FRK: variants seen among roughly 807,000 people sequenced by gnomAD.
The protein encoded by FRK is fyn related Src family tyrosine kinase.
A neutral mutation model predicts 56.4 loss-of-function variants in FRK; 51 were observed. That is an observed-to-expected ratio of 0.90 (90% confidence interval 0.72 to 1.14). The LOEUF (loss-of-function observed/expected upper bound fraction) is 1.14, where lower values mean the gene tolerates loss of function less well. FRK is among the 50% of genes most tolerant of loss of function. The pLI, the probability that FRK is intolerant of heterozygous loss-of-function variation, is 0.00. For missense variants in FRK, 570 were observed against 601.4 expected (o/e 0.95, Z 0.55); for synonymous variants, 245 against 217.9 (o/e 1.12, Z -1.10).
At chr6:116,029,150 G>C (rs1307526055) in intron 1 of FRK, among the ~76,000 whole-genome samples, 1 of 152,016 alleles carries the variant, frequency 6.6e-6, no homozygotes, top group Non-Finnish European at 1.5e-5. Context: ...CACCACCTCT[G>C]TGAGATCTTC....
Position 115,942,576 on chromosome 6 carries a change from A to G in FRK, c.1356T>C (p.Leu452=). 1 of 1,613,816 alleles carries G rather than the reference A, an allele frequency of 6.2e-7. No individual in the cohort carries two copies. The highest frequency in any genetic ancestry group is 1.1e-5 in the South Asian group (1 of 91,074). Residue 452 remains leucine (L), a synonymous_variant, in exon 8 of 8, where the codon CTT becomes CTC. Transcript: ENST00000606080. ...VIQMLAQNYR[L]PQPSNCPQQF... ...GCTGTGGACAGTTGGATGGTTGCGG[A>G]AGTCTATAGTTTTGAGCCAACATCT...
chr6:115,942,341 A>G lies in FRK; in HGVS notation c.*73T>C, dbSNP rs2114505809. 1.6e-6 allele frequency: 2 copies of G among 1,245,984 alleles called. No individual in the cohort carries two copies. Among genetic ancestry groups the G allele is most frequent in the Non-Finnish European group, 2.3e-6 (2 of 860,086 alleles). 77.2% of individuals were successfully genotyped at this position (1,245,984 alleles called of 1,614,324 possible). On this transcript the variant is annotated 3_prime_UTR_variant, in exon 8 of 8. Transcript: ENST00000606080. Reference sequence around the variant, plus strand: ...GATAAACTGATTGTGCAGTTGGTTGATAACATTGTATTTTGGAATGGATTA... The same window carrying G: ...GATAAACTGATTGTGCAGTTGGTTGGTAACATTGTATTTTGGAATGGATTA...
chr6:116,079,744 T>G, the FRK span, among the ~76,000 whole-genome samples: 1 of 152,082 alleles, frequency 6.6e-6, no homozygotes, highest in Non-Finnish European at 1.5e-5. Flanking sequence ...CACATGCTAA[T>G]TTTTTAATTT....
intron 2 of FRK, among the ~76,000 whole-genome samples, chr6:115,975,881 G>A (rs1773974282): frequency 6.6e-6 from 1 of 152,114 alleles, no homozygotes; most frequent in Non-Finnish European, 1.5e-5. Context: ...ACATATTGTG[G>A]AGACGTGGGT....
intron 1 of FRK, among the ~76,000 whole-genome samples, chr6:116,011,455 C>A (rs1387864924): frequency 6.6e-6 from 1 of 151,736 alleles, no homozygotes; most frequent in African/African-American, 2.4e-5. Flanking sequence ...AAAATAAACT[C>A]TTAAGACTAG....
the FRK span, among the ~76,000 whole-genome samples, chr6:116,083,390 T>C: frequency 3.5e-3 from 532 of 152,196 alleles, 1 homozygote; most frequent in African/African-American, 0.012. Flanking sequence ...TGTTTTAAGA[T>C]GAGAAAATTA....
At chr6:116,020,482 G>C (rs955173160) in intron 1 of FRK, among the ~76,000 whole-genome samples, 16 of 151,874 alleles carry the variant, frequency 1.1e-4, no homozygotes, top group Admixed American at 2.6e-4. Flanking sequence ...GTAGAGATGG[G>C]GTTTCACCAT....
chr6:115,992,093 T>G (rs924388513), intron 2 of FRK, among the ~76,000 whole-genome samples: 1 of 151,782 alleles, frequency 6.6e-6, no homozygotes, highest in African/African-American at 2.4e-5. Flanking sequence ...ACCTAGCTAA[T>G]AGTCTATTTT....
In FRK at chr6:115,933,430, A is replaced by C. The variant is rs886683903; in HGVS notation, c.*8984T>G. On this transcript the variant is annotated 3_prime_UTR_variant, in exon 8 of 8. Transcript: ENST00000606080. Reference sequence around the variant, plus strand: ...AAAAAAATCTATTACTGTTTCTCATAACTGAATCCATTATTTTTCTCCATG... The same window carrying C: ...AAAAAAATCTATTACTGTTTCTCATCACTGAATCCATTATTTTTCTCCATG... 4 of 152,214 alleles carry C rather than the reference A, an allele frequency of 2.6e-5. No homozygotes were observed. Among genetic ancestry groups the C allele is most frequent in the African/African-American group, 9.6e-5 (4 of 41,454 alleles). 9.4% of individuals were successfully genotyped at this position (152,214 alleles called of 1,614,324 possible).
At chr6:116,038,050 G>A (rs557512654) in intron 1 of FRK, among the ~76,000 whole-genome samples, 24 of 152,254 alleles carry the variant, frequency 1.6e-4, no homozygotes, top group East Asian at 5.8e-4. Flanking sequence ...GAAAAGCAAC[G>A]GGATAAACAA....
At chr6:115,966,289 A>T (rs1296276844) in intron 4 of FRK, among the ~76,000 whole-genome samples, 3 of 152,118 alleles carry the variant, frequency 2.0e-5, no homozygotes, top group Admixed American at 2.0e-4. Flanking sequence ...GTCCATATTG[A>T]TTTTTGTGTG....
chr6:115,953,723 G>T (rs1772882451), intron 5 of FRK, among the ~76,000 whole-genome samples: 1 of 152,162 alleles, frequency 6.6e-6, no homozygotes, highest in South Asian at 2.1e-4. Flanking sequence ...CATGTACCAA[G>T]TTGATCTTTT....
At chr6:115,953,410 C>A (rs1031278677) in intron 5 of FRK, among the ~76,000 whole-genome samples, 1 of 151,604 alleles carries the variant, frequency 6.6e-6, no homozygotes, top group Admixed American at 6.6e-5. Context: ...GGGATGGTCT[C>A]GATCTCCTGA....
intron 4 of FRK, 70 bp from the exon 5 acceptor site, chr6:115,956,680 G>T: frequency 8.2e-7 from 1 of 1,219,402 alleles, no homozygotes; most frequent in South Asian, 2.1e-5. Context: ...AGCCTGGTGG[G>T]AATCATCAAG....
upstream of FRK, among the ~76,000 whole-genome samples, chr6:116,061,515 T>C (rs1344926731): frequency 6.6e-6 from 1 of 151,848 alleles, no homozygotes; most frequent in Non-Finnish European, 1.5e-5. Context: ...GTGGGGGCTC[T>C]TTCTGCTAAA....
chr6:115,949,724 G>C (rs1434427808), intron 5 of FRK, among the ~76,000 whole-genome samples: 2 of 152,098 alleles, frequency 1.3e-5, no homozygotes, highest in Admixed American at 6.6e-5. Context: ...GTATAGCCAA[G>C]ACAATCCTAA....
chr6:115,978,181 C>T (rs1371868614), intron 2 of FRK, among the ~76,000 whole-genome samples: 8 of 152,070 alleles, frequency 5.3e-5, no homozygotes, highest in Admixed American at 5.2e-4. Context: ...TACAGAAAAT[C>T]TTTCACTGGG....
intron 6 of FRK, 100 bp downstream of exon 6, chr6:115,944,144 G>C (rs1192363685): frequency 1.7e-5 from 17 of 984,426 alleles, no homozygotes; most frequent in East Asian, 5.2e-5. Context: ...ACAGAACTTG[G>C]AGAAACATTG....
the FRK span, among the ~76,000 whole-genome samples, chr6:116,075,465 GA>G: frequency 8.9e-3 from 1,216 of 136,400 alleles, 23 homozygotes; most frequent in South Asian, 0.046. Context: ...AGAGCTGGGG[GA>G]AAAAAAAAAA....
Sources: allele counts gnomAD v4.1 joint callset (sites outside exome capture counted in the v4.1 genomes callset), GRCh38; gene constraint gnomAD v4.1.1; transcripts MANE v1.5; gene names NCBI Gene and HGNC (gene_info 2026-07-23, HGNC 2026-07-21).